The following CCSER2 variants were observed in gnomAD, a reference collection of about 807,000 sequenced individuals.
The protein encoded by CCSER2 is coiled-coil serine rich protein 2.
In CCSER2, 46 loss-of-function variants were observed where a neutral mutation model predicts 92.3. The observed-to-expected ratio is 0.50, with a 90% CI of 0.39 to 0.64. CCSER2 has a LOEUF of 0.64. Among genes scored for constraint, CCSER2 ranks in the 30% least tolerant of loss-of-function variants. The probability of loss-of-function intolerance (pLI) is 0.00; values close to 1 mark genes in which losing one functional copy is unlikely to be tolerated. For synonymous variants in CCSER2, 433 were observed against 431.4 expected, an observed-to-expected ratio of 1.00 and a Z score of -0.04; for missense variants, 1,244 against 1,238.9, an observed-to-expected ratio of 1.00 and a Z score of -0.06.
intron 1 of CCSER2, among the ~76,000 whole-genome samples, chr10:84,346,390 A>T (rs968917468): frequency 6.9e-6 from 1 of 144,650 alleles, no homozygotes; most frequent in Non-Finnish European, 1.5e-5. Flanking sequence ...TTTAGGAATT[A>T]AAAAAAAAAA....
chr10:84,394,407 G>GTT (rs1413239400), intron 3 of CCSER2, among the ~76,000 whole-genome samples: 2 of 151,440 alleles, frequency 1.3e-5, no homozygotes, highest in East Asian at 4.0e-4. Context: ...GTGTGTGTGT[G>GTT]TGTGTGTGTG....
intron 3 of CCSER2, among the ~76,000 whole-genome samples, chr10:84,415,475 A>T (rs762151496): frequency 1.8e-4 from 27 of 152,216 alleles, no homozygotes; most frequent in African/African-American, 6.5e-4. Flanking sequence ...TCTTACCTGG[A>T]GATATCACCA....
intron 9 of CCSER2, among the ~76,000 whole-genome samples, chr10:84,484,399 C>T (rs1237461544): frequency 6.6e-6 from 1 of 152,062 alleles, no homozygotes; most frequent in Admixed American, 6.6e-5. Flanking sequence ...AGGCATGAGC[C>T]ATCCACCATG....
At chr10:84,457,570 ATATT>A (rs1436396388) in intron 6 of CCSER2, among the ~76,000 whole-genome samples, 18 of 12,228 alleles carry the variant, frequency 1.5e-3, no homozygotes, top group Non-Finnish European at 2.4e-3. Flanking sequence ...ATATAAATTT[ATATT>A]TATATATTAT....
At chr10:84,502,344 A>T (rs1425340367) in intron 9 of CCSER2, among the ~76,000 whole-genome samples, 1 of 146,814 alleles carries the variant, frequency 6.8e-6, no homozygotes, top group Admixed American at 6.8e-5. Flanking sequence ...ATAATGTTTC[A>T]TTAAAAAGTT....
At chr10:84,396,763 C>G (rs1841862950) in intron 3 of CCSER2, among the ~76,000 whole-genome samples, 3 of 152,100 alleles carry the variant, frequency 2.0e-5, no homozygotes, top group African/African-American at 7.2e-5. Context: ...TCTTGAACTC[C>G]TGGGCTTAAG....
chr10:84,429,119 TC>T (rs1381007214), intron 5 of CCSER2, among the ~76,000 whole-genome samples: 1 of 151,986 alleles, frequency 6.6e-6, no homozygotes, highest in African/African-American at 2.4e-5. Flanking sequence ...TGGGAAGTAT[TC>T]CTTTCACTTC....
At chr10:84,454,209 A>G (rs999490244) in intron 6 of CCSER2, among the ~76,000 whole-genome samples, 3 of 152,192 alleles carry the variant, frequency 2.0e-5, no homozygotes, top group Non-Finnish European at 4.4e-5. Context: ...TTGTAGATGC[A>G]TCTCTCCAGT....
chr10:84,373,123 T>C (rs1402703327), intron 2 of CCSER2, among the ~76,000 whole-genome samples: 5 of 152,094 alleles, frequency 3.3e-5, no homozygotes, highest in African/African-American at 1.2e-4. Flanking sequence ...TATAGACATG[T>C]GGTATAATCA....
intron 1 of CCSER2, among the ~76,000 whole-genome samples, chr10:84,347,101 A>C (rs994997069): frequency 1.3e-5 from 2 of 152,226 alleles, no homozygotes; most frequent in Non-Finnish European, 2.9e-5. Flanking sequence ...GTTGCGGGTA[A>C]GGTCATAGAT....
intron 1 of CCSER2, among the ~76,000 whole-genome samples, chr10:84,336,308 C>T (rs754471496): frequency 6.6e-6 from 1 of 152,192 alleles, no homozygotes. Context: ...AACAAATTTT[C>T]TGCCTTTGTG....
rs111570235 is a variant in CCSER2 at position 84,363,318 on chromosome 10, C to T, written c.-39-7696C>T. ...CACTTATTTAATTGCTATAATCAAGCCTTTGAATCAGCTTATGCCACAGAT... is the reference window on the plus strand; with the variant it reads ...CACTTATTTAATTGCTATAATCAAGTCTTTGAATCAGCTTATGCCACAGAT... On this transcript the variant is annotated intron_variant, in intron 1 of 9. Transcript: ENST00000372088. 2.5e-3 allele frequency among the ~76,000 whole-genome samples: 380 copies of T among 152,078 alleles called. 1 individual carries two copies. Among genetic ancestry groups the T allele is most frequent in the African/African-American group, 8.4e-3 (349 of 41,492 alleles).
chr10:84,472,845 G>C (rs1846899675), intron 8 of CCSER2, among the ~76,000 whole-genome samples: 1 of 152,076 alleles, frequency 6.6e-6, no homozygotes, highest in Non-Finnish European at 1.5e-5. Flanking sequence ...GCAATTAATA[G>C]TAATTCCTTA....
intron 8 of CCSER2, among the ~76,000 whole-genome samples, chr10:84,471,939 T>C (rs1275596547): frequency 6.6e-6 from 1 of 152,110 alleles, no homozygotes; most frequent in Non-Finnish European, 1.5e-5. Flanking sequence ...TTTTATCTTC[T>C]ACAAATGAAT....
chr10:84,455,257 CTTTT>C (rs1476469528), intron 6 of CCSER2: 2 of 173,518 alleles, frequency 1.2e-5, no homozygotes, highest in Non-Finnish European at 2.4e-5. Context: ...CACTTTCTTT[CTTTT>C]TTTCTTTTTC....
intron 6 of CCSER2, among the ~76,000 whole-genome samples, chr10:84,457,752 T>TGTTTTG (rs1195318280): frequency 6.8e-6 from 1 of 146,180 alleles, no homozygotes; most frequent in Non-Finnish European, 1.5e-5. Context: ...TTTTTGTTTT[T>TGTTTTG]GTTTTTGGAG....
At chr10:84,456,222 C>T (rs1006601135) in intron 6 of CCSER2, among the ~76,000 whole-genome samples, 2 of 152,162 alleles carry the variant, frequency 1.3e-5, no homozygotes, top group African/African-American at 4.8e-5. Flanking sequence ...AATCCCCTCC[C>T]AGAATTCCTT....
chr10:84,503,625 C>T lies in CCSER2; in HGVS notation c.2326-9824C>T, dbSNP rs549187990. 2.0e-5 allele frequency among the ~76,000 whole-genome samples: 3 copies of T among 152,292 alleles called. No homozygotes were observed. In the South Asian group the frequency reaches 6.2e-4, roughly 32 times the overall value. ...GCCAGAGCATGTACTTACAGGAATA[C>T]TTGACTTTTCAAAAAGTATGTTTCG... On this transcript the variant is annotated intron_variant, in intron 9 of 9. Coordinates refer to ENST00000372088, the MANE Select transcript of CCSER2 (RefSeq NM_001284240.2).
intron 9 of CCSER2, among the ~76,000 whole-genome samples, chr10:84,506,012 A>C (rs1046691132): frequency 6.6e-6 from 1 of 152,026 alleles, no homozygotes; most frequent in Non-Finnish European, 1.5e-5. Flanking sequence ...ACTACTCTAC[A>C]TCATCTGAGA....
Sources: gnomAD v4.1 joint callset for allele counts (sites outside exome capture counted in the v4.1 genomes callset) on GRCh38, gnomAD v4.1.1 for gene constraint, MANE v1.5 for transcripts, NCBI Gene and HGNC (gene_info 2026-07-23, HGNC 2026-07-21) for gene names.